SVOPL: variants seen among roughly 807,000 people sequenced by gnomAD.
SVOPL encodes putative transporter SVOPL.
In SVOPL, 60 loss-of-function variants were observed where a neutral mutation model predicts 61.0. The ratio of observed to expected loss-of-function variants is 0.98; its 90% CI spans 0.80 to 1.22. The LOEUF (loss-of-function observed/expected upper bound fraction) is 1.22, where lower values mean the gene tolerates loss of function less well. SVOPL is among the 50% of genes most tolerant of loss of function. The pLI, the probability that SVOPL is intolerant of heterozygous loss-of-function variation, is 0.00. For missense variants in SVOPL, 662 were observed against 643.9 expected, an observed-to-expected ratio of 1.03 and a Z score of -0.30; for synonymous variants, 279 against 250.0, an observed-to-expected ratio of 1.12 and a Z score of -1.09.
intron 1 of SVOPL, among the ~76,000 whole-genome samples, chr7:138,699,889 G>A (rs1261727470): frequency 3.9e-5 from 6 of 152,136 alleles, no homozygotes; most frequent in African/African-American, 1.2e-4. Flanking sequence ...GTGGGTCCCC[G>A]GTGTCAGGGG....
At chr7:138,608,512 A>G (rs1217507309) in intron 14 of SVOPL, among the ~76,000 whole-genome samples, 2 of 152,202 alleles carry the variant, frequency 1.3e-5, no homozygotes, top group Non-Finnish European at 2.9e-5. Context: ...GAAATTGTAC[A>G]GCTGTTTCCG....
chr7:138,686,134 G>A (rs568761821), intron 1 of SVOPL, among the ~76,000 whole-genome samples: 17 of 149,318 alleles, frequency 1.1e-4, no homozygotes, highest in African/African-American at 2.9e-4. Flanking sequence ...CAGGTGCCAC[G>A]GCTCACGCCT....
intron 9 of SVOPL, among the ~76,000 whole-genome samples, chr7:138,644,197 CAAAAAAAAAAAAAAAAAAAA>C (rs71179714): frequency 2.0e-5 from 1 of 50,384 alleles, no homozygotes; most frequent in Non-Finnish European, 3.9e-5. Context: ...AAGACTCCAT[CAAAAAAAAAAAAAAAAAAAA>C]AAAAAAAAAG....
intron 3 of SVOPL, among the ~76,000 whole-genome samples, chr7:138,675,007 T>C (rs1386676546): frequency 6.6e-6 from 1 of 152,172 alleles, no homozygotes. Context: ...TTGGAGCCTA[T>C]GAGACCTCAC....
rs879287399 is a variant in SVOPL, at chr7:138,621,846, GTATCTATCTATC to G, written c.1264-723_1264-712del. Among the ~76,000 whole-genome samples the G allele has an allele frequency of 7.5e-3, 443 of 59,070 alleles. 32 individuals are homozygous for G. Among genetic ancestry groups the G allele is most frequent in the South Asian group, 0.022 (46 of 2,132 alleles). The allele number at this position is 59,070 out of a possible 152,430, so 38.8% of individuals were successfully genotyped here. On this transcript the variant is annotated intron_variant, in intron 13 of 15. Coordinates refer to ENST00000674285, the MANE Select transcript of SVOPL (RefSeq NM_001139456.2). Reference sequence around the variant, plus strand: ...TGTATCTATGTATCTATCTATCTATGTATCTATCTATCTATCTATCTATCTATCTATCTATCT... The same window carrying G: ...TGTATCTATGTATCTATCTATCTATGTATCTATCTATCTATCTATCTATCT...
chr7:138,664,014 C>G (rs1802133180), intron 4 of SVOPL, among the ~76,000 whole-genome samples: 1 of 152,130 alleles, frequency 6.6e-6, no homozygotes, highest in African/African-American at 2.4e-5. Flanking sequence ...ACAAAAGCCA[C>G]GACTGGGTCC....
chr7:138,639,677 A>G (rs7796365), intron 9 of SVOPL, among the ~76,000 whole-genome samples: 10,943 of 151,358 alleles, frequency 0.072, 1,057 homozygotes, highest in African/African-American at 0.22. Flanking sequence ...AGGAAGGGGG[A>G]AAAAAATCAC....
intron 3 of SVOPL, among the ~76,000 whole-genome samples, chr7:138,673,554 A>T (rs952202284): frequency 6.6e-6 from 1 of 152,150 alleles, no homozygotes; most frequent in Non-Finnish European, 1.5e-5. Flanking sequence ...GTGAGGCACG[A>T]GAATCACTTG....
intron 12 of SVOPL, among the ~76,000 whole-genome samples, chr7:138,626,946 A>C (rs750035851): frequency 2.6e-5 from 4 of 152,128 alleles, no homozygotes; most frequent in Admixed American, 6.5e-5. Flanking sequence ...AGCTCAGGCC[A>C]CTCCAGGACT....
Position 138,686,141 on chromosome 7 carries a change from G to A in SVOPL, c.-34-7062C>T, listed in dbSNP as rs546998310. Among the ~76,000 whole-genome samples the A allele has an allele frequency of 1.3e-4, 19 of 145,792 alleles. No homozygotes were observed. The South Asian group carries it at 1.9e-3, about 15-fold the overall frequency. Reference sequence around the variant, plus strand: ...GAGAGGGCCAGGTGCCACGGCTCACGCCTGTAATCCCAGCACTTTGGGAGG... The same window carrying A: ...GAGAGGGCCAGGTGCCACGGCTCACACCTGTAATCCCAGCACTTTGGGAGG... On this transcript the variant is annotated intron_variant, in intron 1 of 15. Transcript: ENST00000674285.
At position 138,594,557 on chromosome 7, in the gene SVOPL, T is replaced by A. The variant is rs574196466; in HGVS notation, c.*53A>T. 1.9e-6 allele frequency: 3 copies of A among 1,563,850 alleles called. No individual in the cohort carries two copies. The African/African-American group carries it at 4.1e-5, about 21-fold the overall frequency. ...CAAGTTTTAAAAAAATGCACCGCAG[T>A]TCTGAAGATAGAATTCATTTTTCTC... is the stretch of plus-strand genomic sequence containing the variant. On this transcript the variant is annotated 3_prime_UTR_variant, in exon 16 of 16. Transcript: ENST00000674285.
intron 5 of SVOPL, 50 bp downstream of exon 5, chr7:138,663,024 A>G (rs983842029): frequency 1.2e-5 from 19 of 1,612,990 alleles, no homozygotes; most frequent in Non-Finnish European, 1.5e-5. Context: ...GTTGCCCCCA[A>G]AAGAATACAC....
intron 1 of SVOPL, among the ~76,000 whole-genome samples, chr7:138,687,630 C>CA (rs1199177565): frequency 1.6e-4 from 23 of 142,650 alleles, no homozygotes; most frequent in Admixed American, 1.3e-3. Context: ...GGGCAAAAAA[C>CA]AAAAAAATTG....
chr7:138,677,859 T>C (rs1356808446), intron 3 of SVOPL, among the ~76,000 whole-genome samples: 1 of 151,102 alleles, frequency 6.6e-6, no homozygotes, highest in Non-Finnish European at 1.5e-5. Flanking sequence ...GCCTCCTGGG[T>C]TCAAGCGATT....
chr7:138,676,450 C>A (rs1361132327), intron 3 of SVOPL, among the ~76,000 whole-genome samples: 1 of 147,112 alleles, frequency 6.8e-6, no homozygotes, highest in African/African-American at 2.7e-5. Context: ...GTGGAGGAAC[C>A]ACTGCGCTCA....
chr7:138,697,147 G>A (rs1019187534), intron 1 of SVOPL, among the ~76,000 whole-genome samples: 1 of 152,138 alleles, frequency 6.6e-6, no homozygotes, highest in Non-Finnish European at 1.5e-5. Flanking sequence ...ACGGTGGAAG[G>A]ATTGCTTGAG....
chr7:138,678,843 T>C lies in SVOPL; in HGVS notation c.82+121A>G, dbSNP rs1298335917. The C allele has an allele frequency of 2.9e-6, 3 of 1,020,276 alleles. No homozygotes were observed. In the African/African-American group the frequency reaches 4.9e-5, roughly 17 times the overall value. 63.2% of individuals were successfully genotyped at this position (1,020,276 alleles called of 1,614,324 possible). A position where few individuals can be genotyped will look rare whatever the true frequency, so the allele number is the denominator to read the frequency against. ...CCTCGGCCTCCCAAAGTGATGGGATTACAGGTGTGAGCCACCATGCCTGGC... is the reference window on the plus strand; with the variant it reads ...CCTCGGCCTCCCAAAGTGATGGGATCACAGGTGTGAGCCACCATGCCTGGC... On this transcript the variant is annotated intron_variant, in intron 2 of 15. Transcript: ENST00000674285.
At chr7:138,675,350 T>TTA (rs1802532913) in intron 3 of SVOPL, among the ~76,000 whole-genome samples, 1 of 152,064 alleles carries the variant, frequency 6.6e-6, no homozygotes, top group Non-Finnish European at 1.5e-5. Flanking sequence ...AACCCTTTAT[T>TTA]TTTTATTTTA....
intron 1 of SVOPL, among the ~76,000 whole-genome samples, chr7:138,692,465 G>A (rs1268096640): frequency 6.6e-6 from 1 of 151,904 alleles, no homozygotes; most frequent in African/African-American, 2.4e-5. Flanking sequence ...AAAAATATGT[G>A]ACACAAGTAC....
Sources: allele counts gnomAD v4.1 joint callset (sites outside exome capture counted in the v4.1 genomes callset), GRCh38; gene constraint gnomAD v4.1.1; transcripts MANE v1.5; gene names NCBI Gene and HGNC (gene_info 2026-07-23, HGNC 2026-07-21).